The following EWSR1 variants were observed in gnomAD, a reference collection of about 807,000 sequenced individuals.
EWSR1 encodes the protein RNA-binding protein EWS.
In EWSR1, 14 loss-of-function variants were observed where a neutral mutation model predicts 92.1. That is an observed-to-expected ratio of 0.15 (90% CI 0.10 to 0.24). The LOEUF (loss-of-function observed/expected upper bound fraction) is 0.24. EWSR1 is among the 10% of genes least tolerant of loss of function. The pLI, the probability that EWSR1 is intolerant of heterozygous loss-of-function variation, is 1.00. For missense variants in EWSR1, 637 were observed against 870.9 expected, an observed-to-expected ratio of 0.73 and a Z score of 3.38; for synonymous variants, 303 against 292.9, an observed-to-expected ratio of 1.03 and a Z score of -0.35.
intron 15 of EWSR1, 75 bp downstream of exon 15, chr22:29,299,406 A>G: frequency 2.6e-6 from 4 of 1,551,328 alleles, no homozygotes; most frequent in Non-Finnish European, 1.7e-6. Context: ...GGCTTGGTAA[A>G]CTGCAGTTGC....
At chr22:29,285,939 G>A (rs1182378263) in intron 6 of EWSR1, among the ~76,000 whole-genome samples, 1 of 152,130 alleles carries the variant, frequency 6.6e-6, no homozygotes, top group African/African-American at 2.4e-5. Context: ...CTGGGTTCAT[G>A]CCATTCTCCT....
rs1289737753 is a variant in EWSR1 at position 29,282,450 on chromosome 22, C to T, written c.474C>T (p.Tyr158=). Residue 158 remains tyrosine, a synonymous_variant, in exon 6 of 17, where the codon TAC becomes TAT. Transcript: ENST00000397938. ...TSQPQSSTGG[Y]NQPSLGYGQS... is the part of the protein sequence containing the mutation. ...AACCTCAATCTAGCACAGGGGGTTA[C>T]AACCAGCCCAGCCTAGGATATGGAC... The T allele has an allele frequency of 1.9e-6, 3 of 1,595,190 alleles. No homozygotes were observed. The highest frequency in any genetic ancestry group is 2.6e-6 in the Non-Finnish European group (3 of 1,173,044).
intron 5 of EWSR1, among the ~76,000 whole-genome samples, chr22:29,280,755 C>T (rs1421425737): frequency 6.7e-6 from 1 of 149,422 alleles, no homozygotes; most frequent in Non-Finnish European, 1.5e-5. Flanking sequence ...CTCGCTGGAG[C>T]CTCCGCCTCC....
intron 3 of EWSR1, 58 bp downstream of exon 3, chr22:29,272,489 C>T: frequency 6.6e-7 from 1 of 1,506,916 alleles, no homozygotes; most frequent in Admixed American, 1.7e-5. Context: ...GTATATTATC[C>T]AGTTATCTTT....
At position 29,300,194 on chromosome 22, in the gene EWSR1, C is replaced by A. The variant is rs370466002; in HGVS notation, c.*33C>A. 1.1e-5 allele frequency: 18 copies of A among 1,594,160 alleles called. No individual in the cohort carries two copies. The highest frequency in any genetic ancestry group is 5.2e-5 in the Admixed American group (3 of 57,950). On this transcript the variant is annotated 3_prime_UTR_variant, in exon 17 of 17. Transcript: ENST00000397938. ...GACCCCGCAGAGCTGCATTGACTAC[C>A]AGATTTATTTTTTAAACCAGAAAAT...
In EWSR1 at chr22:29,300,302, AT is replaced by A. The variant is rs532857025; in HGVS notation, c.*144del. ...TGTCTGTACTTTAGTATTTTTCACC[AT>A]TTGTGAAGAAACATTAAAACAAGTT... On this transcript the variant is annotated 3_prime_UTR_variant, in exon 17 of 17. Transcript: ENST00000397938. 90 of 813,056 alleles carry A rather than the reference AT, an allele frequency of 1.1e-4. 1 individual carries two copies. In the South Asian group the frequency reaches 1.8e-3, roughly 16 times the overall value. 50.4% of individuals were successfully genotyped at this position (813,056 alleles called of 1,614,324 possible).
chr22:29,298,197 C>G (rs2061017823), intron 13 of EWSR1, among the ~76,000 whole-genome samples: 1 of 152,148 alleles, frequency 6.6e-6, no homozygotes. Context: ...ATAGACATGC[C>G]TATTCCTTAC....
chr22:29,289,835 A>G (rs1162087487), intron 8 of EWSR1: 1 of 231,506 alleles, frequency 4.3e-6, no homozygotes, highest in African/African-American at 2.2e-5. Context: ...GAAAGTCTTT[A>G]GTGAAATCTT....
Position 29,300,241 on chromosome 22 carries a change from A to G in EWSR1, c.*80A>G. On this transcript the variant is annotated 3_prime_UTR_variant, in exon 17 of 17. Coordinates refer to ENST00000397938, the MANE Select transcript of EWSR1 (RefSeq NM_005243.4). The stretch of plus-strand genomic sequence containing the variant: ...AAATGTTTTAAATTTATAATTCCAT[A>G]TTTATAATGTTGGCCACAACATTAT... 3.0e-6 allele frequency: 4 copies of G among 1,344,516 alleles called. No individual in the cohort carries two copies. Among genetic ancestry groups the G allele is most frequent in the East Asian group, 2.4e-5 (1 of 41,828 alleles). 83.3% of individuals were successfully genotyped at this position (1,344,516 alleles called of 1,614,324 possible). A position where few individuals can be genotyped will look rare whatever the true frequency, so the allele number is the denominator to read the frequency against.
At chr22:29,270,233 A>C (rs1378570699) in intron 1 of EWSR1, among the ~76,000 whole-genome samples, 1 of 152,142 alleles carries the variant, frequency 6.6e-6, no homozygotes, top group Non-Finnish European at 1.5e-5. Context: ...CTCTCCTCGT[A>C]TGTTATCTCA....
At chr22:29,280,115 C>T (rs1280192434) in intron 5 of EWSR1, among the ~76,000 whole-genome samples, 1 of 152,106 alleles carries the variant, frequency 6.6e-6, no homozygotes, top group African/African-American at 2.4e-5. Flanking sequence ...TGGAGTGTTG[C>T]TCTGTTGTCC....
Position 29,274,331 on chromosome 22 carries a change from C to CTA in EWSR1, c.226+468_226+469dup, listed in dbSNP as rs776536948. 2.3e-5 allele frequency: 37 copies of CTA among 1,599,712 alleles called. No homozygotes were observed. The Admixed American group carries it at 3.5e-4, about 15-fold the overall frequency. ...GCATGGGAAATGCTTTCCATCTTGTCTAACCCTGTAATGTTAATCCTTTAG... is the reference window on the plus strand; with the variant it reads ...GCATGGGAAATGCTTTCCATCTTGTCTATAACCCTGTAATGTTAATCCTTTAG... On this transcript the variant is annotated intron_variant, in intron 4 of 16. Coordinates refer to ENST00000397938, the MANE Select transcript of EWSR1 (RefSeq NM_005243.4).
At chr22:29,294,654 G>C (rs1013187127) in intron 11 of EWSR1, among the ~76,000 whole-genome samples, 1 of 150,330 alleles carries the variant, frequency 6.7e-6, no homozygotes, top group Non-Finnish European at 1.5e-5. Context: ...GGTGGCTCAT[G>C]CCTGTAATCC....
chr22:29,287,455 G>A lies in EWSR1; in HGVS notation c.793+321G>A, dbSNP rs5763130. On this transcript the variant is annotated intron_variant, in intron 7 of 16. Transcript: ENST00000397938. ...ACTCCTGACCTCAGGTGATCCTCCC[G>A]CCTCAGCCACCCAGAGTGTTGGGAT... is the stretch of plus-strand genomic sequence containing the variant. 4.6e-5 allele frequency among the ~76,000 whole-genome samples: 7 copies of A among 152,236 alleles called. No homozygotes were observed. The East Asian group carries it at 7.7e-4, about 17-fold the overall frequency.
rs553383025 is a variant in EWSR1, at chr22:29,295,691, G to C, written c.1165-548G>C. 1.3e-5 allele frequency: 3 copies of C among 222,470 alleles called. No individual in the cohort carries two copies. In the South Asian group the frequency reaches 5.5e-4, roughly 41 times the overall value. 13.8% of individuals were successfully genotyped at this position (222,470 alleles called of 1,614,324 possible). A position where few individuals can be genotyped will look rare whatever the true frequency, so the allele number is the denominator to read the frequency against. ...GCATATATAATGCAAAAAAGTACAC[G>C]TGAAGATATTCTTATACAAGGTAGC... On this transcript the variant is annotated intron_variant, in intron 11 of 16. Coordinates refer to ENST00000397938, the MANE Select transcript of EWSR1 (RefSeq NM_005243.4).
chr22:29,273,206 C>A (rs1428157223), intron 3 of EWSR1, among the ~76,000 whole-genome samples: 1 of 152,228 alleles, frequency 6.6e-6, no homozygotes, highest in African/African-American at 2.4e-5. Context: ...ATACAGCGTT[C>A]TGGTTCATTT....
intron 13 of EWSR1, among the ~76,000 whole-genome samples, chr22:29,298,379 G>T (rs907089772): frequency 3.9e-5 from 6 of 152,140 alleles, no homozygotes; most frequent in Admixed American, 3.3e-4. Context: ...GGTGGTGCAT[G>T]CCTGTAATCC....
rs2061252044 is a variant in EWSR1 at position 29,300,331 on chromosome 22, ATGGTAGTGTGCGGAGTTTT to A, written c.*172_*190del. 1.5e-6 allele frequency: 1 copy of A among 678,738 alleles called. No homozygotes were observed. Among genetic ancestry groups the A allele is most frequent in the South Asian group, 2.4e-5 (1 of 42,438 alleles). 42.0% of individuals were successfully genotyped at this position (678,738 alleles called of 1,614,324 possible). A position where few individuals can be genotyped will look rare whatever the true frequency, so the allele number is the denominator to read the frequency against. On this transcript the variant is annotated 3_prime_UTR_variant, in exon 17 of 17. Transcript: ENST00000397938. The stretch of plus-strand genomic sequence containing the variant: ...GTGAAGAAACATTAAAACAAGTTAA[ATGGTAGTGTGCGGAGTTTT>A]TTTTTCTTCCTTCTTTTAAAAATGG...
chr22:29,299,481 T>A, intron 15 of EWSR1, 118 bp from the exon 16 acceptor site: 1 of 1,489,126 alleles, frequency 6.7e-7, no homozygotes. Context: ...ATGCCGAGAT[T>A]GAGTGAAGTG....
Sources: allele counts gnomAD v4.1 joint callset (sites outside exome capture counted in the v4.1 genomes callset), GRCh38; gene constraint gnomAD v4.1.1; transcripts MANE v1.5; gene names NCBI Gene and HGNC (gene_info 2026-07-23, HGNC 2026-07-21).